Variants in CASK observed in about 807,000 individuals in gnomAD.
The protein encoded by CASK is peripheral plasma membrane protein CASK.
Under a neutral mutation model 82.9 loss-of-function variants are expected in CASK, and 4 were observed. That is an observed-to-expected ratio of 0.05 (90% confidence interval 0.02 to 0.11). The LOEUF is 0.11. Among genes scored for constraint, CASK ranks in the 10% least tolerant of loss-of-function variants. The pLI, the probability that CASK is intolerant of heterozygous loss-of-function variation, is 1.00. For synonymous variants in CASK, 259 were observed against 253.5 expected (o/e 1.02, Z -0.20); for missense variants, 358 against 720.9 (o/e 0.50, Z 5.76).
chrX:41,595,806 A>C (rs1254933301), intron 12 of CASK, among the ~76,000 whole-genome samples: 1 of 111,342 alleles, frequency 9.0e-6, no homozygotes, highest in East Asian at 2.8e-4. Context: ...ACTAGAATTC[A>C]GTAATACACA....
intron 21 of CASK, among the ~76,000 whole-genome samples, chrX:41,545,069 A>C (rs977948312): frequency 3.6e-5 from 4 of 109,733 alleles, no homozygotes; most frequent in Admixed American, 9.7e-5. Flanking sequence ...TGTGATGCCC[A>C]GGCTGGAGTG....
chrX:41,578,238 C>T (rs770015557), intron 15 of CASK, 102 bp downstream of exon 15: 18 of 566,713 alleles, frequency 3.2e-5, no homozygotes, highest in African/African-American at 4.6e-5. Flanking sequence ...CTATCCATGT[C>T]TTCCTTCCCT....
chrX:41,791,142 T>C (rs10284148), intron 2 of CASK, among the ~76,000 whole-genome samples: 1,267 of 110,953 alleles, frequency 0.011, 21 homozygotes, highest in African/African-American at 0.039. Flanking sequence ...TCTTTTTTTT[T>C]AATGAGTACA....
intron 1 of CASK, among the ~76,000 whole-genome samples, chrX:41,863,734 C>G (rs777719712): frequency 2.8e-4 from 31 of 112,184 alleles, no homozygotes; most frequent in African/African-American, 9.1e-4. Context: ...TTTTCTCCTC[C>G]TCTTCACTCC....
intron 11 of CASK, among the ~76,000 whole-genome samples, chrX:41,620,624 C>T (rs1409846080): frequency 8.9e-6 from 1 of 112,248 alleles, no homozygotes; most frequent in Non-Finnish European, 1.9e-5. Flanking sequence ...CAAAAAAGTT[C>T]TCTCTTGTCC....
At chrX:41,735,113 G>A (rs2147706632) in intron 5 of CASK, among the ~76,000 whole-genome samples, 1 of 111,232 alleles carries the variant, frequency 9.0e-6, no homozygotes, top group Non-Finnish European at 1.9e-5. Context: ...CATATGCCAA[G>A]AATTATGAGA....
At chrX:41,633,807 T>A (rs1316252246) in intron 9 of CASK, among the ~76,000 whole-genome samples, 2 of 109,364 alleles carry the variant, frequency 1.8e-5, no homozygotes, top group Non-Finnish European at 3.8e-5. Context: ...TCACCCAGGC[T>A]GGAGTGCAGT....
At chrX:41,590,496 C>T (rs1483331730) in intron 12 of CASK, among the ~76,000 whole-genome samples, 12 of 75,059 alleles carry the variant, frequency 1.6e-4, no homozygotes, top group Admixed American at 1.5e-3. Context: ...GGCGACAGAG[C>T]GAGATTCCGT....
At chrX:41,726,807 T>C (rs1053896892) in intron 5 of CASK, 2 of 277,845 alleles carry the variant, frequency 7.2e-6, no homozygotes, top group African/African-American at 5.5e-5. Context: ...AGTAACTTTT[T>C]GTCTTTATTT....
chrX:41,858,708 T>G (rs2071419824), intron 1 of CASK, among the ~76,000 whole-genome samples: 1 of 112,007 alleles, frequency 8.9e-6, no homozygotes, highest in Non-Finnish European at 1.9e-5. Context: ...TTCTCCTAAG[T>G]CTTCATACAA....
Position 41,650,320 on chromosome X carries a change from G to A in CASK, c.831+10119C>T, listed in dbSNP as rs930080765. 4.6e-5 allele frequency among the ~76,000 whole-genome samples: 5 copies of A among 107,988 alleles called. No homozygotes were observed. In the Admixed American group the frequency reaches 5.0e-4, roughly 11 times the overall value. 93.8% of individuals were successfully genotyped at this position (107,988 alleles called of 115,157 possible). A position where few individuals can be genotyped will look rare whatever the true frequency, so the allele number is the denominator to read the frequency against. On this transcript the variant is annotated intron_variant, in intron 8 of 26. Transcript: ENST00000378163. ...ATGATGTTAGCTGGTTATTTTGCTCGTTAGTTGATGCAGTTTCTTCCTAGC... is the reference window on the plus strand; with the variant it reads ...ATGATGTTAGCTGGTTATTTTGCTCATTAGTTGATGCAGTTTCTTCCTAGC...
At chrX:41,730,367 CCA>C (rs751043526) in intron 5 of CASK, among the ~76,000 whole-genome samples, 3 of 109,528 alleles carry the variant, frequency 2.7e-5, no homozygotes, top group Non-Finnish European at 5.7e-5. Context: ...AAACAAAAAA[CCA>C]CACACACACA....
rs371218171 is a variant in CASK, at chrX:41,660,610, A to T, written c.709-49T>A. On this transcript the variant is annotated intron_variant, in intron 7 of 26. Coordinates refer to ENST00000378163, the MANE Select transcript of CASK (RefSeq NM_001367721.1). ...ACATAGTTACCTTAAATGAGACATTAACATTCACTATTATTTAATATTCCT... is the reference window on the plus strand; with the variant it reads ...ACATAGTTACCTTAAATGAGACATTTACATTCACTATTATTTAATATTCCT... The T allele has an allele frequency of 1.3e-5, 15 of 1,124,283 alleles. No homozygotes were observed. The East Asian group carries it at 3.3e-4, about 25-fold the overall frequency. The allele number at this position is 1,124,283 out of a possible 1,213,427, so 92.7% of individuals were successfully genotyped here. A position where few individuals can be genotyped will look rare whatever the true frequency, so the allele number is the denominator to read the frequency against.
chrX:41,671,403 T>G (rs1010718659), intron 6 of CASK, 25 bp downstream of exon 6: 1 of 487,605 alleles, frequency 2.1e-6, no homozygotes, highest in East Asian at 6.9e-5. Flanking sequence ...TTTTGAAGAA[T>G]TTTTTTTTTT....
At chrX:41,578,195 G>GA in intron 15 of CASK, 145 bp downstream of exon 15, 2 of 446,674 alleles carry the variant, frequency 4.5e-6, no homozygotes, top group Non-Finnish European at 7.8e-6. Flanking sequence ...GGGCAGGGGG[G>GA]AACTGAAGAT....
At chrX:41,662,994 C>T (rs1159451662) in intron 7 of CASK, among the ~76,000 whole-genome samples, 1 of 109,262 alleles carries the variant, frequency 9.2e-6, no homozygotes, top group Non-Finnish European at 1.9e-5. Flanking sequence ...TGTGCCACCA[C>T]ACTTGGCTAA....
chrX:41,681,882 G>A (rs984752981), intron 5 of CASK, among the ~76,000 whole-genome samples: 2 of 108,424 alleles, frequency 1.8e-5, no homozygotes, highest in African/African-American at 6.7e-5. Context: ...GGAGGCGGAG[G>A]TTGTAGTGAG....
At chrX:41,916,092 A>G (rs2072679855) in intron 1 of CASK, among the ~76,000 whole-genome samples, 1 of 109,143 alleles carries the variant, frequency 9.2e-6, no homozygotes, top group African/African-American at 3.4e-5. Context: ...CAAGAGAATC[A>G]CTTGAACCCA....
Position 41,671,414 on chromosome X carries a change from T to A in CASK, c.532+14A>T. On this transcript the variant is annotated intron_variant, in intron 6 of 26. Transcript: ENST00000378163. Reference sequence around the variant, plus strand: ...CAGGTTTTGAAGAATTTTTTTTTTTTAAAGCAGTCTTACCTCCAGCTACAA... The same window carrying A: ...CAGGTTTTGAAGAATTTTTTTTTTTAAAAGCAGTCTTACCTCCAGCTACAA... The A allele has an allele frequency of 1.3e-5, 14 of 1,058,173 alleles. No individual in the cohort carries two copies. Among genetic ancestry groups the A allele is most frequent in the Non-Finnish European group, 1.9e-5 (14 of 756,548 alleles). The allele number at this position is 1,058,173 out of a possible 1,213,427, so 87.2% of individuals were successfully genotyped here.
Sources: allele counts gnomAD v4.1 joint callset (sites outside exome capture counted in the v4.1 genomes callset), GRCh38; gene constraint gnomAD v4.1.1; transcripts MANE v1.5; gene names NCBI Gene and HGNC (gene_info 2026-07-23, HGNC 2026-07-21).